Variants in SHISA9 observed in about 807,000 individuals in gnomAD.
SHISA9 encodes shisa family member 9.
SHISA9 carries 13 observed loss-of-function variants against 38.0 expected under a neutral mutation model. That is an observed-to-expected ratio of 0.34 (90% CI 0.22 to 0.54). The LOEUF is 0.54. SHISA9 is among the 20% of genes least tolerant of loss of function. SHISA9 has a pLI of 0.91. For synonymous variants in SHISA9, 275 were observed against 242.0 expected (o/e 1.14, Z -1.27); for missense variants, 538 against 575.8 (o/e 0.93, Z 0.67).
the SHISA9 span, among the ~76,000 whole-genome samples, chr16:13,547,056 C>T: frequency 6.6e-6 from 1 of 152,224 alleles, no homozygotes; most frequent in Non-Finnish European, 1.5e-5. Flanking sequence ...ACCTTGAATA[C>T]TTCGGAGATA....
the SHISA9 span, among the ~76,000 whole-genome samples, chr16:13,481,472 C>T: frequency 6.6e-6 from 1 of 152,212 alleles, no homozygotes; most frequent in East Asian, 1.9e-4. Context: ...TGGTGTCAGG[C>T]TGTCCTCAAC....
At chr16:12,965,767 A>G (rs1326280717) in intron 2 of SHISA9, among the ~76,000 whole-genome samples, 2 of 152,226 alleles carry the variant, frequency 1.3e-5, no homozygotes, top group Non-Finnish European at 2.9e-5. Flanking sequence ...TTTTATCCTC[A>G]TGAATATAAA....
chr16:13,205,697 C>T (rs2051057048), intron 3 of SHISA9, among the ~76,000 whole-genome samples: 1 of 152,144 alleles, frequency 6.6e-6, no homozygotes, highest in Non-Finnish European at 1.5e-5. Flanking sequence ...TCTAGTAGCC[C>T]CATGGATGAA....
the SHISA9 span, among the ~76,000 whole-genome samples, chr16:13,492,757 A>G: frequency 6.6e-6 from 1 of 152,248 alleles, no homozygotes; most frequent in Admixed American, 6.5e-5. Context: ...CCAATATTTG[A>G]TCATTTAAAG....
chr16:13,176,798 A>C (rs896847721), intron 2 of SHISA9, among the ~76,000 whole-genome samples: 2 of 152,176 alleles, frequency 1.3e-5, no homozygotes, highest in Non-Finnish European at 2.9e-5. Flanking sequence ...CCGAAGCTCA[A>C]GACAGATAAT....
intron 1 of SHISA9, among the ~76,000 whole-genome samples, chr16:12,903,465 A>T (rs2071049331): frequency 6.6e-6 from 1 of 152,022 alleles, no homozygotes; most frequent in South Asian, 2.1e-4. Flanking sequence ...GTTCCAGCAG[A>T]TGGGAGAAGG....
At chr16:13,242,889 C>T (rs1485159018), downstream of SHISA9, among the ~76,000 whole-genome samples, 3 of 152,294 alleles carry the variant, frequency 2.0e-5, no homozygotes, top group Admixed American at 6.5e-5. Flanking sequence ...GGATTGAGCA[C>T]TTGCCAGGTA....
At chr16:13,346,466 A>G in the SHISA9 span, among the ~76,000 whole-genome samples, 1 of 152,200 alleles carries the variant, frequency 6.6e-6, no homozygotes, top group East Asian at 1.9e-4. Context: ...TATTAAATGT[A>G]CCAATTTTTG....
At chr16:13,434,419 GTTTTT>G in the SHISA9 span, among the ~76,000 whole-genome samples, 2 of 64,566 alleles carry the variant, frequency 3.1e-5, no homozygotes, top group African/African-American at 1.1e-4. Context: ...GACAAGCTAT[GTTTTT>G]TTTTTTTTTT....
the SHISA9 span, among the ~76,000 whole-genome samples, chr16:13,324,694 A>C: frequency 6.6e-6 from 1 of 152,194 alleles, no homozygotes; most frequent in Non-Finnish European, 1.5e-5. Context: ...TATCTGAATC[A>C]GTTTAGATTT....
chr16:13,222,077 G>A (rs993019279), intron 4 of SHISA9, among the ~76,000 whole-genome samples: 10 of 152,140 alleles, frequency 6.6e-5, no homozygotes, highest in African/African-American at 2.2e-4. Context: ...AAGAGAGTGT[G>A]TGCAGGGGAA....
chr16:13,006,820 C>A (rs1417949017), intron 2 of SHISA9, among the ~76,000 whole-genome samples: 1 of 152,196 alleles, frequency 6.6e-6, no homozygotes, highest in Non-Finnish European at 1.5e-5. Flanking sequence ...TCTCTGATCA[C>A]TGAAGCTCAT....
intron 2 of SHISA9, among the ~76,000 whole-genome samples, chr16:13,135,185 C>G (rs187503991): frequency 3.6e-4 from 55 of 152,300 alleles, no homozygotes; most frequent in African/African-American, 1.3e-3. Flanking sequence ...GAATCTACTA[C>G]AGGATATCAT....
the SHISA9 span, among the ~76,000 whole-genome samples, chr16:13,471,214 G>C: frequency 6.6e-6 from 1 of 152,034 alleles, no homozygotes; most frequent in African/African-American, 2.4e-5. Context: ...CTTAATATGG[G>C]GCTGACAGTG....
the SHISA9 span, among the ~76,000 whole-genome samples, chr16:13,300,096 G>C: frequency 6.6e-6 from 1 of 152,056 alleles, no homozygotes; most frequent in Non-Finnish European, 1.5e-5. Flanking sequence ...GACTAAAATT[G>C]CACCTTGATC....
intron 2 of SHISA9, among the ~76,000 whole-genome samples, chr16:13,127,271 A>G: frequency 1.7e-5 from 2 of 116,476 alleles, no homozygotes; most frequent in Non-Finnish European, 3.5e-5. Context: ...TGGGAGAGGG[A>G]GGGAGGGAGA....
chr16:13,036,631 C>G (rs1201318006), intron 2 of SHISA9, among the ~76,000 whole-genome samples: 1 of 151,932 alleles, frequency 6.6e-6, no homozygotes, highest in Non-Finnish European at 1.5e-5. Flanking sequence ...AGCCATAACT[C>G]CATAAAGTTG....
chr16:13,454,167 C>T, the SHISA9 span, among the ~76,000 whole-genome samples: 1 of 152,104 alleles, frequency 6.6e-6, no homozygotes, highest in African/African-American at 2.4e-5. Context: ...TTTAACCAAC[C>T]GTGCACAATT....
chr16:13,182,673 C>T (rs1258549228), intron 2 of SHISA9, among the ~76,000 whole-genome samples: 1 of 152,174 alleles, frequency 6.6e-6, no homozygotes, highest in Non-Finnish European at 1.5e-5. Flanking sequence ...TACTGAACCA[C>T]TCTACAACTT....
Sources: allele counts gnomAD v4.1 joint callset (sites outside exome capture counted in the v4.1 genomes callset), GRCh38; gene constraint gnomAD v4.1.1; transcripts MANE v1.5; gene names NCBI Gene and HGNC (gene_info 2026-07-23, HGNC 2026-07-21).